The following MYO5A variants were observed in gnomAD, a reference collection of about 807,000 sequenced individuals.
MYO5A encodes the protein myosin VA, also known as unconventional myosin-Va.
In MYO5A, 98 loss-of-function variants were observed where a neutral mutation model predicts 249.7. The observed-to-expected ratio is 0.39, with a 90% CI of 0.33 to 0.46. The LOEUF (loss-of-function observed/expected upper bound fraction) is 0.46. Ranked by LOEUF, MYO5A falls within the 20% of genes least tolerant of loss-of-function variation. The pLI, the probability that MYO5A is intolerant of heterozygous loss-of-function variation, is 0.98. For missense variants in MYO5A, 1,696 were observed against 2,308.8 expected, an observed-to-expected ratio of 0.73 and a Z score of 5.44; for synonymous variants, 778 against 810.6, an observed-to-expected ratio of 0.96 and a Z score of 0.68.
intron 9 of MYO5A, among the ~76,000 whole-genome samples, chr15:52,399,195 A>C (rs909644045): frequency 6.6e-6 from 1 of 152,122 alleles, no homozygotes; most frequent in African/African-American, 2.4e-5. Context: ...TCTGATAGCA[A>C]ATTTGTCTCT....
intron 1 of MYO5A, among the ~76,000 whole-genome samples, chr15:52,458,072 G>A (rs868026728): frequency 1.2e-4 from 19 of 152,298 alleles, no homozygotes; most frequent in African/African-American, 3.8e-4. Flanking sequence ...CGGAGGTAAA[G>A]AGTAAAATTA....
At chr15:52,443,315 C>G (rs1272728824) in intron 1 of MYO5A, among the ~76,000 whole-genome samples, 3 of 152,146 alleles carry the variant, frequency 2.0e-5, no homozygotes, top group East Asian at 1.9e-4. Context: ...ATGCTGAAGA[C>G]TAAAATTTTA....
intron 1 of MYO5A, among the ~76,000 whole-genome samples, chr15:52,454,273 T>G (rs1354656833): frequency 6.6e-6 from 1 of 151,846 alleles, no homozygotes; most frequent in Non-Finnish European, 1.5e-5. Context: ...ACAAAGAAGG[T>G]CACTATATAA....
At chr15:52,477,412 T>C (rs1233042912) in intron 1 of MYO5A, among the ~76,000 whole-genome samples, 1 of 152,246 alleles carries the variant, frequency 6.6e-6, no homozygotes, top group Non-Finnish European at 1.5e-5. Flanking sequence ...GTCAAAGTCA[T>C]TCTCCGTCCA....
chr15:52,421,286 C>T (rs2043778152), intron 4 of MYO5A, among the ~76,000 whole-genome samples: 4 of 151,960 alleles, frequency 2.6e-5, no homozygotes, highest in Admixed American at 6.6e-5. Flanking sequence ...ACGGAAGGGG[C>T]CACCCTAAGG....
intron 13 of MYO5A, 44 bp downstream of exon 13, chr15:52,389,194 C>T (rs764113009): frequency 6.3e-7 from 1 of 1,586,926 alleles, no homozygotes; most frequent in East Asian, 2.2e-5. Context: ...GTTTTTTCCA[C>T]ATTTAAGTAT....
chr15:52,382,230 C>T (rs2041780670), intron 16 of MYO5A, among the ~76,000 whole-genome samples: 1 of 152,172 alleles, frequency 6.6e-6, no homozygotes. Context: ...TATTTTTATA[C>T]TATTCTGTAT....
chr15:52,497,756 CA>C lies in MYO5A; in HGVS notation c.27+31023del, dbSNP rs35145185. Among the ~76,000 whole-genome samples, 179 of 62,680 alleles carry C rather than the reference CA, an allele frequency of 2.9e-3. 1 individual carries two copies. Among genetic ancestry groups the C allele is most frequent in the East Asian group, 0.011 (24 of 2,258 alleles). 41.1% of individuals were successfully genotyped at this position (62,680 alleles called of 152,430 possible). ...TGGGCAACAGAGTGAGACTCTGTCT[CA>C]AAAAAAAAAAAAAAAAAAAAGAAGC... On this transcript the variant is annotated intron_variant, in intron 1 of 41. Coordinates refer to ENST00000399233, the MANE Select transcript of MYO5A (RefSeq NM_001382347.1).
At chr15:52,423,710 G>C (rs997984128) in intron 4 of MYO5A, among the ~76,000 whole-genome samples, 13 of 151,994 alleles carry the variant, frequency 8.6e-5, no homozygotes, top group African/African-American at 3.1e-4. Context: ...AACTAATTGA[G>C]GCATATTTTA....
At chr15:52,357,650 G>C (rs896789005) in intron 25 of MYO5A, among the ~76,000 whole-genome samples, 1 of 152,114 alleles carries the variant, frequency 6.6e-6, no homozygotes, top group Non-Finnish European at 1.5e-5. Flanking sequence ...AATTATTTAA[G>C]AGTGCTCCCG....
intron 14 of MYO5A, 157 bp downstream of exon 14, chr15:52,387,672 C>A: frequency 1.6e-6 from 1 of 620,794 alleles, no homozygotes; most frequent in Non-Finnish European, 2.8e-6. Flanking sequence ...AGAACAGGAC[C>A]TGACATGCAG....
At chr15:52,437,347 C>A (rs1370639148) in intron 1 of MYO5A, among the ~76,000 whole-genome samples, 1 of 152,100 alleles carries the variant, frequency 6.6e-6, no homozygotes, top group Non-Finnish European at 1.5e-5. Context: ...GTAATCCCAG[C>A]TCTTTGGGAG....
chr15:52,374,270 C>T (rs1035776483), intron 20 of MYO5A, among the ~76,000 whole-genome samples: 3 of 152,168 alleles, frequency 2.0e-5, no homozygotes, highest in Admixed American at 1.3e-4. Context: ...TTGTATCTGT[C>T]AATACAATTT....
chr15:52,362,409 G>T (rs1392693073), intron 24 of MYO5A, among the ~76,000 whole-genome samples: 1 of 152,164 alleles, frequency 6.6e-6, no homozygotes, highest in Non-Finnish European at 1.5e-5. Context: ...ATTAAAATAA[G>T]ATATTGTCAC....
rs553719196 is a variant in MYO5A at position 52,393,400 on chromosome 15, C to CT, written c.1402-1331dup. Among the ~76,000 whole-genome samples the CT allele has an allele frequency of 7.4e-3, 1,046 of 141,390 alleles. 13 individuals are homozygous for CT. Among genetic ancestry groups the CT allele is most frequent in the African/African-American group, 0.023 (898 of 38,716 alleles). The allele number at this position is 141,390 out of a possible 152,430, so 92.8% of individuals were successfully genotyped here. A position where few individuals can be genotyped will look rare whatever the true frequency, so the allele number is the denominator to read the frequency against. ...ATTTGCAGTGTTTTTTTTTTCTTTT[C>CT]TTTTTTTTTTTGAGACAGAGTCTTG... On this transcript the variant is annotated intron_variant, in intron 11 of 41. Transcript: ENST00000399233.
chr15:52,413,727 T>C (rs1170401945), intron 5 of MYO5A, among the ~76,000 whole-genome samples: 1 of 152,220 alleles, frequency 6.6e-6, no homozygotes, highest in African/African-American at 2.4e-5. Flanking sequence ...AACTTTCAAA[T>C]TGAGATGCCC....
intron 1 of MYO5A, among the ~76,000 whole-genome samples, chr15:52,478,537 T>C (rs2076648051): frequency 6.6e-6 from 1 of 152,216 alleles, no homozygotes; most frequent in Admixed American, 6.5e-5. Context: ...GCTGTTCCTA[T>C]TCAGCCATTT....
At chr15:52,427,203 G>A (rs1487048352) in intron 3 of MYO5A, among the ~76,000 whole-genome samples, 1 of 151,990 alleles carries the variant, frequency 6.6e-6, no homozygotes, top group Non-Finnish European at 1.5e-5. Flanking sequence ...ACTTAATGAA[G>A]TCGTCCATTC....
chr15:52,392,675 T>C (rs944248369), intron 11 of MYO5A, among the ~76,000 whole-genome samples: 5 of 152,266 alleles, frequency 3.3e-5, no homozygotes, highest in Non-Finnish European at 5.9e-5. Flanking sequence ...CTATTTCCGA[T>C]GAAGCCTTCA....
Sources: allele counts gnomAD v4.1 joint callset (sites outside exome capture counted in the v4.1 genomes callset), GRCh38; gene constraint gnomAD v4.1.1; transcripts MANE v1.5; gene names NCBI Gene and HGNC (gene_info 2026-07-23, HGNC 2026-07-21).